NDRG1: variants seen among roughly 807,000 people sequenced by gnomAD.
NDRG1 encodes the protein protein NDRG1.
NDRG1 carries 32 observed loss-of-function variants against 56.9 expected under a neutral mutation model. The observed-to-expected ratio is 0.56, with a 90% confidence interval of 0.42 to 0.76. The LOEUF is 0.76. Among genes scored for constraint, NDRG1 ranks in the 30% least tolerant of loss-of-function variants. NDRG1 has a pLI of 0.00. For synonymous variants in NDRG1, 211 were observed against 204.1 expected (o/e 1.03, Z -0.29); for missense variants, 507 against 545.7 (o/e 0.93, Z 0.71).
chr8:133,242,722 AAAGAAAG>A (rs1244239268), intron 14 of NDRG1, among the ~76,000 whole-genome samples: 2 of 151,382 alleles, frequency 1.3e-5, no homozygotes, highest in South Asian at 2.1e-4. Flanking sequence ...AGGAAGGAAA[AAAGAAAG>A]AAAGGAAGAG....
intron 3 of NDRG1, 137 bp from the exon 4 acceptor site, chr8:133,264,789 C>T (rs987236812): frequency 5.4e-6 from 4 of 745,692 alleles, no homozygotes; most frequent in African/African-American, 5.2e-5. Flanking sequence ...CGGCTTCGGG[C>T]AGCAGCTCTC....
rs1855948684 is a variant in NDRG1 at position 133,250,432 on chromosome 8, C to T, written c.698+8G>A. The T allele has an allele frequency of 6.2e-7, 1 of 1,608,800 alleles. No homozygotes were observed. Among genetic ancestry groups the T allele is most frequent in the South Asian group, 1.1e-5 (1 of 90,994 alleles). On this transcript the variant is annotated splice_region_variant and intron_variant, in intron 10 of 15. Transcript: ENST00000323851. ...TAGCAATGATGTGGCTGAACTACAT[C>T]CCAATACCTGTTGTAGGCATTGATG...
At chr8:133,242,853 AGAAT>A (rs1367336194) in intron 14 of NDRG1, among the ~76,000 whole-genome samples, 4 of 152,382 alleles carry the variant, frequency 2.6e-5, no homozygotes, top group African/African-American at 9.6e-5. Flanking sequence ...GATATGAAGA[AGAAT>A]GAATGGATGA....
intron 8 of NDRG1, chr8:133,255,728 A>T: frequency 5.4e-6 from 1 of 183,672 alleles, no homozygotes; most frequent in Non-Finnish European, 1.2e-5. Context: ...ATGGGGCAAG[A>T]GGCAGGGCCC....
chr8:133,240,869 A>G (rs1311357460), intron 15 of NDRG1: 2 of 152,228 alleles, frequency 1.3e-5, no homozygotes. Context: ...GGCTGTCTCC[A>G]TGGCTGTCTC....
rs919886985 is a variant in NDRG1 at position 133,259,032 on chromosome 8, C to G, written c.389+136G>C. On this transcript the variant is annotated intron_variant, in intron 6 of 15. Transcript: ENST00000323851. ...GTGAAGAACAGTGTTCACAGAGTGACGAGCTAATTTCTTGCCTCATCTCTA... is the reference window on the plus strand; with the variant it reads ...GTGAAGAACAGTGTTCACAGAGTGAGGAGCTAATTTCTTGCCTCATCTCTA... The G allele has an allele frequency of 1.9e-5, 16 of 853,140 alleles. No homozygotes were observed. In the East Asian group the frequency reaches 3.9e-4, roughly 21 times the overall value. 52.8% of individuals were successfully genotyped at this position (853,140 alleles called of 1,614,324 possible).
intron 5 of NDRG1, 118 bp from the exon 6 acceptor site, chr8:133,259,348 C>T: frequency 1.0e-6 from 1 of 998,798 alleles, no homozygotes; most frequent in Non-Finnish European, 1.6e-6. Context: ...CCCAGACCCC[C>T]CCACCCCCAA....
intron 9 of NDRG1, among the ~76,000 whole-genome samples, chr8:133,252,253 A>G (rs1180811882): frequency 6.6e-6 from 1 of 151,866 alleles, no homozygotes; most frequent in Admixed American, 6.6e-5. Flanking sequence ...GTGCCACCAC[A>G]TCCGGTTAAT....
In NDRG1 at chr8:133,263,744, C is replaced by T. The variant is rs146873526; in HGVS notation, c.205+803G>A. Reference sequence around the variant, plus strand: ...CAGCCTGGCCAACACAGTGAAACCCCGTCTCTACTAAAAATACAAAAATTA... The same window carrying T: ...CAGCCTGGCCAACACAGTGAAACCCTGTCTCTACTAAAAATACAAAAATTA... On this transcript the variant is annotated intron_variant, in intron 4 of 15. Coordinates refer to ENST00000323851, the MANE Select transcript of NDRG1 (RefSeq NM_006096.4). 5.3e-5 allele frequency among the ~76,000 whole-genome samples: 8 copies of T among 151,940 alleles called. No individual in the cohort carries two copies. In the East Asian group the frequency reaches 9.7e-4, roughly 18 times the overall value.
intron 15 of NDRG1, 21 bp from the exon 16 acceptor site, chr8:133,239,140 C>T (rs775948296): frequency 2.8e-5 from 44 of 1,551,104 alleles, no homozygotes; most frequent in Non-Finnish European, 3.7e-5. Context: ...AAGAGACAGC[C>T]GGTTAGAGGG....
chr8:133,262,145 G>C lies in NDRG1; in HGVS notation c.228C>G (p.Leu76=). 6.2e-7 allele frequency: 1 copy of C among 1,614,144 alleles called. No homozygotes were observed. Among genetic ancestry groups the C allele is most frequent in the East Asian group, 2.2e-5 (1 of 44,864 alleles). ...TCTCCTGCATGTCCTCGTAGTTGAA[G>C]AGGGGGTTGTAGCAGGTTTTGTCTG... ...GMNHKTCYNP[L]FNYEDMQEIT... is the part of the protein sequence containing the mutation. The change falls in exon 5 of 16, where the codon CTC becomes CTG. Residue 76 remains leucine (L), a synonymous_variant. Transcript: ENST00000323851.
chr8:133,287,825 C>G (rs1219019435), intron 1 of NDRG1, among the ~76,000 whole-genome samples: 1 of 152,230 alleles, frequency 6.6e-6, no homozygotes, highest in Non-Finnish European at 1.5e-5. Flanking sequence ...CAAATGTCCC[C>G]TGGTGCGACA....
chr8:133,268,863 TCACACACA>T (rs10569573), intron 3 of NDRG1, among the ~76,000 whole-genome samples: 4 of 149,564 alleles, frequency 2.7e-5, no homozygotes, highest in African/African-American at 2.5e-5. Context: ...ATCCCCTAAG[TCACACACA>T]CACACACACA....
At chr8:133,266,234 G>A (rs141754471) in intron 3 of NDRG1, among the ~76,000 whole-genome samples, 4 of 152,352 alleles carry the variant, frequency 2.6e-5, no homozygotes, top group African/African-American at 4.8e-5. Context: ...GCCCGCAAGC[G>A]GCGCACACTC....
At chr8:133,284,681 C>A in intron 1 of NDRG1, 1 of 455,784 alleles carries the variant, frequency 2.2e-6, no homozygotes, top group Non-Finnish European at 4.3e-6. Context: ...TAGAAGGGGA[C>A]CTGCATTGCT....
chr8:133,247,837 T>A (rs1855773860), intron 12 of NDRG1, 38 bp downstream of exon 12: 2 of 1,611,182 alleles, frequency 1.2e-6, no homozygotes, highest in East Asian at 2.2e-5. Flanking sequence ...CTTTGCCTGT[T>A]GAATTAAACA....
intron 5 of NDRG1, among the ~76,000 whole-genome samples, chr8:133,261,747 T>C (rs1250936594): frequency 6.6e-6 from 1 of 152,112 alleles, no homozygotes; most frequent in Non-Finnish European, 1.5e-5. Context: ...AATGGGGAGA[T>C]AGTATCTGAT....
intron 1 of NDRG1, among the ~76,000 whole-genome samples, chr8:133,293,456 A>T (rs969776834): frequency 1.3e-5 from 2 of 152,052 alleles, no homozygotes; most frequent in African/African-American, 4.8e-5. Flanking sequence ...CACTCACTGG[A>T]CTCTGGACAG....
chr8:133,270,591 C>T (rs1857140235), intron 3 of NDRG1, among the ~76,000 whole-genome samples: 1 of 152,142 alleles, frequency 6.6e-6, no homozygotes, highest in Admixed American at 6.5e-5. Flanking sequence ...CACCCTCCTG[C>T]CTGCATCCTA....
Sources: allele counts gnomAD v4.1 joint callset (sites outside exome capture counted in the v4.1 genomes callset), GRCh38; gene constraint gnomAD v4.1.1; transcripts MANE v1.5; gene names NCBI Gene and HGNC (gene_info 2026-07-23, HGNC 2026-07-21).